Variants in TFPI observed in about 807,000 individuals in gnomAD.
The protein encoded by TFPI is anti-convertin.
In TFPI, 15 loss-of-function variants were observed where a neutral mutation model predicts 34.6. That is an observed-to-expected ratio of 0.43 (90% CI 0.29 to 0.67). TFPI has a LOEUF of 0.67. Ranked by LOEUF, TFPI falls within the 30% of genes least tolerant of loss-of-function variation. The pLI is 0.15. For missense variants in TFPI, 301 were observed against 364.0 expected, an observed-to-expected ratio of 0.83 and a Z score of 1.41; for synonymous variants, 105 against 120.1, an observed-to-expected ratio of 0.87 and a Z score of 0.82.
intron 6 of TFPI, among the ~76,000 whole-genome samples, chr2:187,474,384 A>G (rs1478554154): frequency 6.6e-6 from 1 of 152,128 alleles, no homozygotes; most frequent in East Asian, 1.9e-4. Flanking sequence ...CTATCTGGAG[A>G]ACATAACACA....
In TFPI at chr2:187,467,743, T is replaced by G; in HGVS notation, c.808+10A>C. ...CACTAGTCAATTAATGGGAAGAGTA[T>G]CTTCTATACCTTTTTTACATGCCCT... is the stretch of plus-strand genomic sequence containing the variant. On this transcript the variant is annotated intron_variant, in intron 7 of 7. Transcript: ENST00000233156. 1 of 1,572,416 alleles carries G rather than the reference T, an allele frequency of 6.4e-7. No individual in the cohort carries two copies. The highest frequency in any genetic ancestry group is 8.6e-7 in the Non-Finnish European group (1 of 1,160,696).
intron 3 of TFPI, among the ~76,000 whole-genome samples, chr2:187,488,745 T>A (rs2106036159): frequency 6.6e-6 from 1 of 151,558 alleles, no homozygotes; most frequent in African/African-American, 2.4e-5. Context: ...CATATAAAAA[T>A]AATTTGTTAG....
At chr2:187,530,496 G>T (rs1228893331) in intron 1 of TFPI, among the ~76,000 whole-genome samples, 1 of 152,162 alleles carries the variant, frequency 6.6e-6, no homozygotes, top group Non-Finnish European at 1.5e-5. Context: ...TACCCATATT[G>T]TCAACATTAT....
intron 6 of TFPI, among the ~76,000 whole-genome samples, chr2:187,471,442 A>C (rs1239788898): frequency 6.6e-6 from 1 of 152,182 alleles, no homozygotes; most frequent in African/African-American, 2.4e-5. Flanking sequence ...ACAATGAAAG[A>C]AAATATAAAG....
At chr2:187,534,653 T>A (rs1322104370) in intron 1 of TFPI, among the ~76,000 whole-genome samples, 1 of 152,076 alleles carries the variant, frequency 6.6e-6, no homozygotes, top group Non-Finnish European at 1.5e-5. Flanking sequence ...ATGAAGCAAC[T>A]GCATCAACTA....
At chr2:187,522,610 G>A (rs549608095) in intron 1 of TFPI, among the ~76,000 whole-genome samples, 2 of 151,714 alleles carry the variant, frequency 1.3e-5, no homozygotes, top group South Asian at 2.1e-4. Flanking sequence ...AAGGCGGGGT[G>A]TGGTGGCTCA....
At chr2:187,515,796 T>A (rs2080345) in intron 1 of TFPI, 93,513 of 151,966 alleles carry the variant, frequency 0.62, 29,188 homozygotes, top group East Asian at 0.8. Flanking sequence ...GCTTGTTTGT[T>A]TAATGCTATT....
At chr2:187,486,097 T>C (rs1390588985) in intron 4 of TFPI, among the ~76,000 whole-genome samples, 1 of 151,748 alleles carries the variant, frequency 6.6e-6, no homozygotes, top group South Asian at 2.1e-4. Context: ...TTTAAAAGTC[T>C]ATTTTCTGTA....
At chr2:187,475,371 G>C (rs1006307172) in intron 6 of TFPI, among the ~76,000 whole-genome samples, 2 of 152,090 alleles carry the variant, frequency 1.3e-5, no homozygotes, top group African/African-American at 4.8e-5. Context: ...AATAAAATTT[G>C]TTAAATGAAG....
At chr2:187,494,297 C>T (rs981778649) in intron 3 of TFPI, among the ~76,000 whole-genome samples, 11 of 147,576 alleles carry the variant, frequency 7.5e-5, no homozygotes, top group South Asian at 2.2e-4. Context: ...AACCATATAA[C>T]ACACATTGTT....
In TFPI at chr2:187,488,340, G is replaced by A; in HGVS notation, c.355C>T (p.Gln119Ter). ...ANRIIKTTLQ[Q>*]EKPDFCFLEE... The stretch of plus-strand genomic sequence containing the variant: ...TTACAGACAAATAAATGTTCACCTT[G>A]TTGCAATGTTGTCTTTATAATCCTG... The change falls in exon 4 of 8, where the codon CAA becomes TAA. Residue 119 changes from glutamine to a stop codon, truncating the protein, a stop_gained. Coordinates refer to ENST00000233156, the MANE Select transcript of TFPI (RefSeq NM_006287.6). LOFTEE classifies it high-confidence loss of function. 6.4e-7 allele frequency: 1 copy of A among 1,563,828 alleles called. No homozygotes were observed. Among genetic ancestry groups the A allele is most frequent in the Non-Finnish European group, 8.6e-7 (1 of 1,160,842 alleles).
At chr2:187,490,566 TCTTTTTCTATCCTTTCA>T in intron 3 of TFPI, among the ~76,000 whole-genome samples, 1 of 151,672 alleles carries the variant, frequency 6.6e-6, no homozygotes, top group Non-Finnish European at 1.5e-5. Flanking sequence ...ACATATTATA[TCTTTTTCTATCCTTTCA>T]CTTTTAATCT....
chr2:187,504,852 A>G (rs1335664982), intron 1 of TFPI, among the ~76,000 whole-genome samples: 1 of 152,116 alleles, frequency 6.6e-6, no homozygotes, highest in African/African-American at 2.4e-5. Context: ...CAGCTGCAAT[A>G]TACACCATTG....
chr2:187,486,632 T>A (rs1420169452), intron 4 of TFPI, among the ~76,000 whole-genome samples: 8 of 151,580 alleles, frequency 5.3e-5, no homozygotes, highest in Non-Finnish European at 1.2e-4. Flanking sequence ...AAATAATTCT[T>A]TTTTTGGCCT....
At chr2:187,471,971 A>G (rs1692064058) in intron 6 of TFPI, among the ~76,000 whole-genome samples, 1 of 151,956 alleles carries the variant, frequency 6.6e-6, no homozygotes, top group Non-Finnish European at 1.5e-5. Context: ...TCTTTTTTAA[A>G]GTTTTTTTCT....
At chr2:187,488,959 C>T (rs1406643573) in intron 3 of TFPI, among the ~76,000 whole-genome samples, 2 of 151,476 alleles carry the variant, frequency 1.3e-5, no homozygotes, top group Admixed American at 6.6e-5. Flanking sequence ...TGTTAGTTGT[C>T]TTTGTCCTAC....
intron 1 of TFPI, among the ~76,000 whole-genome samples, chr2:187,523,647 T>C (rs191571945): frequency 1.3e-5 from 2 of 152,260 alleles, no homozygotes; most frequent in Non-Finnish European, 1.5e-5. Context: ...GTTTCAACAA[T>C]TGCATAGTGA....
intron 2 of TFPI, among the ~76,000 whole-genome samples, chr2:187,500,232 C>A (rs1478547312): frequency 6.6e-6 from 1 of 152,028 alleles, no homozygotes; most frequent in Non-Finnish European, 1.5e-5. Context: ...AATTACAATA[C>A]CCTTGACATT....
At chr2:187,503,858 TA>T (rs1686018480) in intron 1 of TFPI, 88 bp from the exon 2 acceptor site, 1 of 1,425,822 alleles carries the variant, frequency 7.0e-7, no homozygotes, top group Non-Finnish European at 9.5e-7. Context: ...GTGTACCTCA[TA>T]TGCAAATTTC....
Sources: allele counts gnomAD v4.1 joint callset (sites outside exome capture counted in the v4.1 genomes callset), GRCh38; gene constraint gnomAD v4.1.1; transcripts MANE v1.5; gene names NCBI Gene and HGNC (gene_info 2026-07-23, HGNC 2026-07-21).